RANBP2: variants seen among roughly 807,000 people sequenced by gnomAD.
The protein encoded by RANBP2 is E3 SUMO-protein ligase RanBP2.
In RANBP2, 57 loss-of-function variants were observed where a neutral mutation model predicts 303.6. The observed-to-expected ratio is 0.19, with a 90% CI of 0.15 to 0.23. The LOEUF is 0.23. RANBP2 is among the 10% of genes least tolerant of loss of function. RANBP2 has a pLI of 1.00. For missense variants in RANBP2, 3,138 were observed against 3,780.8 expected, an observed-to-expected ratio of 0.83 and a Z score of 4.46; for synonymous variants, 1,167 against 1,301.5, an observed-to-expected ratio of 0.90 and a Z score of 2.23.
At chr2:108,954,851 T>A in the RANBP2 span, among the ~76,000 whole-genome samples, 1 of 151,998 alleles carries the variant, frequency 6.6e-6, no homozygotes, top group Admixed American at 6.6e-5. Flanking sequence ...AATTTTTGTA[T>A]ACATGTATTT....
At chr2:109,499,035 G>C in the RANBP2 span, among the ~76,000 whole-genome samples, 64 of 152,164 alleles carry the variant, frequency 4.2e-4, no homozygotes, top group Non-Finnish European at 1.5e-5. Flanking sequence ...AGAGGGATGG[G>C]GACTGCTGGA....
the RANBP2 span, among the ~76,000 whole-genome samples, chr2:109,685,394 T>C: frequency 6.6e-6 from 1 of 152,218 alleles, no homozygotes; most frequent in Non-Finnish European, 1.5e-5. Flanking sequence ...TTGGCCAATA[T>C]TGTCAAATTG....
chr2:108,841,911 ACTTTTCT>A, the RANBP2 span, among the ~76,000 whole-genome samples: 1 of 151,968 alleles, frequency 6.6e-6, no homozygotes, highest in Non-Finnish European at 1.5e-5. Flanking sequence ...TCTTTGTATA[ACTTTTCT>A]AATAGTTCTT....
the RANBP2 span, chr2:108,929,105 TC>T: frequency 6.9e-7 from 1 of 1,449,206 alleles, no homozygotes; most frequent in Non-Finnish European, 9.6e-7. Flanking sequence ...GCCTGCAGTA[TC>T]CATGACCCCT....
At chr2:108,854,940 A>G in the RANBP2 span, among the ~76,000 whole-genome samples, 1 of 152,252 alleles carries the variant, frequency 6.6e-6, no homozygotes, top group African/African-American at 2.4e-5. Flanking sequence ...CATATAAACA[A>G]AATAATGGAA....
At chr2:109,403,908 G>C in the RANBP2 span, among the ~76,000 whole-genome samples, 3 of 152,328 alleles carry the variant, frequency 2.0e-5, no homozygotes, top group East Asian at 5.8e-4. Flanking sequence ...TGTGAGGGTG[G>C]AGTGAGGGCG....
chr2:109,138,172 C>T, the RANBP2 span, among the ~76,000 whole-genome samples: 5 of 152,260 alleles, frequency 3.3e-5, no homozygotes, highest in East Asian at 1.9e-4. Flanking sequence ...AGCACCACCA[C>T]GCCCGGCTAA....
chr2:108,790,758 G>T (rs1031553573), downstream of RANBP2, among the ~76,000 whole-genome samples: 4 of 152,146 alleles, frequency 2.6e-5, no homozygotes, highest in South Asian at 8.3e-4. Context: ...TTTTGTGTGG[G>T]TGTATGTGGG....
At chr2:109,407,846 G>A in the RANBP2 span, among the ~76,000 whole-genome samples, 33 of 152,208 alleles carry the variant, frequency 2.2e-4, no homozygotes, top group Non-Finnish European at 3.8e-4. Context: ...TGGCCTTTAA[G>A]TGGGGACAGA....
the RANBP2 span, among the ~76,000 whole-genome samples, chr2:109,395,417 C>T: frequency 4.6e-5 from 7 of 152,212 alleles, no homozygotes; most frequent in African/African-American, 1.4e-4. Flanking sequence ...GGAGACCCCT[C>T]GGCAGCGGTT....
the RANBP2 span, chr2:109,490,666 G>T: frequency 6.6e-7 from 1 of 1,515,040 alleles, no homozygotes; most frequent in Non-Finnish European, 8.8e-7. Flanking sequence ...AAGAAGTCAC[G>T]CTCCCCGCCA....
At chr2:109,302,129 A>G in the RANBP2 span, among the ~76,000 whole-genome samples, 1 of 152,108 alleles carries the variant, frequency 6.6e-6, no homozygotes, top group South Asian at 2.1e-4. Context: ...GAGGCTGGTC[A>G]TTTTTTCAGA....
chr2:109,130,453 C>T, the RANBP2 span, among the ~76,000 whole-genome samples: 1 of 152,162 alleles, frequency 6.6e-6, no homozygotes, highest in Non-Finnish European at 1.5e-5. Flanking sequence ...TCCTCTGGGT[C>T]CCCAGACACT....
At chr2:109,710,609 C>A in the RANBP2 span, among the ~76,000 whole-genome samples, 18 of 152,318 alleles carry the variant, frequency 1.2e-4, no homozygotes, top group Admixed American at 4.6e-4. Flanking sequence ...TGTGTCCAGA[C>A]CCCACCACCA....
chr2:109,095,986 G>A, the RANBP2 span, among the ~76,000 whole-genome samples: 6 of 152,242 alleles, frequency 3.9e-5, no homozygotes, highest in African/African-American at 1.2e-4. Context: ...CCCTCATTGG[G>A]TCTTGTTGTT....
the RANBP2 span, among the ~76,000 whole-genome samples, chr2:109,661,884 A>G: frequency 1.3e-5 from 2 of 152,202 alleles, no homozygotes; most frequent in African/African-American, 4.8e-5. Flanking sequence ...GCCCAGCTAC[A>G]AACCTTTGAG....
At chr2:109,339,697 C>G in the RANBP2 span, among the ~76,000 whole-genome samples, 1 of 152,190 alleles carries the variant, frequency 6.6e-6, no homozygotes, top group African/African-American at 2.4e-5. Flanking sequence ...TCAAGTACTC[C>G]TCTAAGTACC....
chr2:109,389,723 T>TCGG, the RANBP2 span, among the ~76,000 whole-genome samples: 1 of 152,234 alleles, frequency 6.6e-6, no homozygotes, highest in Non-Finnish European at 1.5e-5. Flanking sequence ...AATATATTAT[T>TCGG]TGGTCCACTA....
downstream of RANBP2, chr2:108,786,693 C>CGCCCCGCCCCGCCCT (rs1420684958): frequency 4.1e-4 from 357 of 867,252 alleles, 2 homozygotes; most frequent in African/African-American, 5.4e-3. Context: ...CGCCCCGCCC[C>CGCCCCGCCCCGCCCT]GCCCTTTCCC....
Sources: gnomAD v4.1 joint callset for allele counts (sites outside exome capture counted in the v4.1 genomes callset) on GRCh38, gnomAD v4.1.1 for gene constraint, MANE v1.5 for transcripts, NCBI Gene and HGNC (gene_info 2026-07-23, HGNC 2026-07-21) for gene names.